Variants in TBXAS1 observed in about 807,000 individuals in gnomAD.
TBXAS1 encodes thromboxane-A synthase.
TBXAS1 carries 48 observed loss-of-function variants against 60.7 expected under a neutral mutation model. The observed-to-expected ratio is 0.79, with a 90% CI of 0.63 to 1.01. The LOEUF (loss-of-function observed/expected upper bound fraction) is 1.01, where lower values mean the gene tolerates loss of function less well. Among genes scored for constraint, TBXAS1 ranks in the 50% least tolerant of loss-of-function variants. The pLI is 0.00. For synonymous variants in TBXAS1, 287 were observed against 269.7 expected (o/e 1.06, Z -0.63); for missense variants, 685 against 686.3 (o/e 1.00, Z 0.02).
intron 5 of TBXAS1, among the ~76,000 whole-genome samples, chr7:139,943,805 A>G (rs537043652): frequency 1.3e-5 from 2 of 152,320 alleles, no homozygotes; most frequent in Non-Finnish European, 2.9e-5. Flanking sequence ...GATAAGTTTC[A>G]TTAGTGGAAA....
chr7:140,017,812 C>T lies in TBXAS1; in HGVS notation c.1506C>T (p.Phe502=), dbSNP rs1365777695. Residue 502 remains phenylalanine (F), a synonymous_variant, in exon 12 of 13, where the codon TTC becomes TTT. Coordinates refer to ENST00000448866, the MANE Select transcript of TBXAS1 (RefSeq NM_001061.7). ...TCCACGTGCTGCACAAGTTCCGGTTCCAAGCCTGCCCTGAGACCCAGGTGA... is the reference window on the plus strand; with the variant it reads ...TCCACGTGCTGCACAAGTTCCGGTTTCAAGCCTGCCCTGAGACCCAGGTGA... ...TLLHVLHKFR[F]QACPETQVPL... is the part of the protein sequence containing the mutation. 16 of 1,613,956 alleles carry T rather than the reference C, an allele frequency of 9.9e-6. No homozygotes were observed. The highest frequency in any genetic ancestry group is 1.4e-5 in the Non-Finnish European group (16 of 1,179,982).
At position 139,916,458 on chromosome 7, in the gene TBXAS1, G is replaced by A. The variant is rs1569513263; in HGVS notation, c.333+5137G>A. ...GAGGTCACCTCTCCAGGCACAGGTC[G>A]AGCCACACCACTGACACACAAGAGT... On this transcript the variant is annotated intron_variant, in intron 4 of 12. Transcript: ENST00000448866. The surrounding 1 kb of genome is among the most constrained non-coding windows in gnomAD (Gnocchi z 4.2). 6.6e-6 allele frequency among the ~76,000 whole-genome samples: 1 copy of A among 152,128 alleles called. No individual in the cohort carries two copies. Among genetic ancestry groups the A allele is most frequent in the African/African-American group, 2.4e-5 (1 of 41,412 alleles).
chr7:139,859,060 A>G (rs1800782133), intron 1 of TBXAS1, among the ~76,000 whole-genome samples: 1 of 151,996 alleles, frequency 6.6e-6, no homozygotes, highest in Non-Finnish European at 1.5e-5. Context: ...TTTTTAATAG[A>G]GGTGGAGTTT....
rs948862315 is a variant in TBXAS1, at chr7:139,916,167, T to C, written c.333+4846T>C. Among the ~76,000 whole-genome samples the C allele has an allele frequency of 6.6e-6, 1 of 152,068 alleles. No homozygotes were observed. Among genetic ancestry groups the C allele is most frequent in the Admixed American group, 6.5e-5 (1 of 15,282 alleles). On this transcript the variant is annotated intron_variant, in intron 4 of 12. Transcript: ENST00000448866. This position sits in a 1 kb window ranked among gnomAD's most constrained non-coding sequence, Gnocchi z 4.2. Reference sequence around the variant, plus strand: ...CTCTTTTTTAAATATCTGTGGAAAATGGAGCTGAGTCCACATGACTCAGCA... The same window carrying C: ...CTCTTTTTTAAATATCTGTGGAAAACGGAGCTGAGTCCACATGACTCAGCA...
chr7:139,971,266 T>G (rs558305542), intron 9 of TBXAS1, among the ~76,000 whole-genome samples: 1 of 152,222 alleles, frequency 6.6e-6, no homozygotes, highest in African/African-American at 2.4e-5. Flanking sequence ...TCCCAGCCCG[T>G]GAAGAGGGGC....
intron 1 of TBXAS1, among the ~76,000 whole-genome samples, chr7:139,862,770 C>CCT (rs1801061219): frequency 6.6e-6 from 1 of 152,056 alleles, no homozygotes; most frequent in African/African-American, 2.4e-5. Context: ...GTAAAGAATC[C>CCT]CTCTGTCTCT....
intron 9 of TBXAS1, among the ~76,000 whole-genome samples, chr7:139,989,391 G>C (rs1353034235): frequency 6.6e-6 from 1 of 152,210 alleles, no homozygotes; most frequent in Non-Finnish European, 1.5e-5. Context: ...GGCTCAGAGA[G>C]GGCTGAAGGG....
chr7:139,827,437 C>G (rs980656606), upstream of TBXAS1, among the ~76,000 whole-genome samples: 29 of 152,196 alleles, frequency 1.9e-4, no homozygotes, highest in Non-Finnish European at 4.1e-4. Flanking sequence ...CTTTTAAGTG[C>G]AGCATTTAGG....
intron 2 of TBXAS1, among the ~76,000 whole-genome samples, chr7:139,873,743 T>C (rs902033120): frequency 1.3e-5 from 2 of 152,150 alleles, no homozygotes; most frequent in African/African-American, 2.4e-5. Context: ...GACTTTATGG[T>C]CTACGGTTAT....
Position 140,020,073 on chromosome 7 carries a change from G to A in TBXAS1, c.1576G>A (p.Val526Ile). The change falls in exon 13 of 13, where the codon GTC becomes ATC. Residue 526 changes from valine (V) to isoleucine (I), a missense_variant. Coordinates refer to ENST00000448866, the MANE Select transcript of TBXAS1 (RefSeq NM_001061.7). Reference sequence around the variant, plus strand: ...ATCTGCCCTAGGTCCAAAAAATGGTGTCTATATCAAGATCGTATCCCGCTG... The same window carrying A: ...ATCTGCCCTAGGTCCAAAAAATGGTATCTATATCAAGATCGTATCCCGCTG... The part of the protein sequence containing the change: ...SKSALGPKNG[V>I]YIKIVSR 6.2e-7 allele frequency: 1 copy of A among 1,613,386 alleles called. No homozygotes were observed. Among genetic ancestry groups the A allele is most frequent in the Non-Finnish European group, 8.5e-7 (1 of 1,179,694 alleles).
chr7:139,843,463 C>G (rs1799601746), intron 1 of TBXAS1, among the ~76,000 whole-genome samples: 1 of 152,160 alleles, frequency 6.6e-6, no homozygotes. Context: ...CTGCCTCAGC[C>G]TCCTGAGTAG....
Position 140,020,068 on chromosome 7 carries a change from A to G in TBXAS1, c.1571A>G (p.Asn524Ser). 1 of 1,607,122 alleles carries G rather than the reference A, an allele frequency of 6.2e-7. No homozygotes were observed. Among genetic ancestry groups the G allele is most frequent in the Non-Finnish European group, 8.5e-7 (1 of 1,174,774 alleles). ...LESKSALGPK[N>S]GVYIKIVSR is the part of the protein sequence containing the mutation. The stretch of plus-strand genomic sequence containing the variant: ...TCCAAATCTGCCCTAGGTCCAAAAA[A>G]TGGTGTCTATATCAAGATCGTATCC... Residue 524 changes from asparagine (N) to serine (S), a missense_variant, in exon 13 of 13, where the codon AAT (asparagine) becomes AGT (serine). Asn to Ser is a conservative substitution (Grantham distance 46). Coordinates refer to ENST00000448866, the MANE Select transcript of TBXAS1 (RefSeq NM_001061.7).
chr7:140,018,636 C>G (rs186716415), intron 12 of TBXAS1, among the ~76,000 whole-genome samples: 26 of 145,300 alleles, frequency 1.8e-4, no homozygotes, highest in Middle Eastern at 6.9e-3. Context: ...TGCTTTCACA[C>G]TCACAGCAAC....
intron 5 of TBXAS1, among the ~76,000 whole-genome samples, chr7:139,952,008 A>G (rs1038873527): frequency 6.8e-6 from 1 of 146,834 alleles, no homozygotes; most frequent in Admixed American, 6.9e-5. Flanking sequence ...GAAAGAAAGA[A>G]AGAAAAAGAA....
At chr7:139,938,070 C>T (rs1807948150) in intron 5 of TBXAS1, among the ~76,000 whole-genome samples, 1 of 152,170 alleles carries the variant, frequency 6.6e-6, no homozygotes, top group Non-Finnish European at 1.5e-5. Flanking sequence ...ATAGAGTCCC[C>T]ATCTGATCAC....
chr7:139,836,689 T>C (rs1315052568), intron 1 of TBXAS1, among the ~76,000 whole-genome samples: 1 of 152,200 alleles, frequency 6.6e-6, no homozygotes, highest in African/African-American at 2.4e-5. Context: ...GACTTAAACC[T>C]AAGACCTGAA....
chr7:139,971,931 C>T (rs1426369489), intron 9 of TBXAS1, among the ~76,000 whole-genome samples: 1 of 152,160 alleles, frequency 6.6e-6, no homozygotes, highest in Non-Finnish European at 1.5e-5. Context: ...GCTCCTGCTC[C>T]ACCTCCTGAC....
chr7:139,875,829 T>C, intron 3 of TBXAS1, 192 bp downstream of exon 3: 1 of 718,312 alleles, frequency 1.4e-6, no homozygotes, highest in South Asian at 1.8e-5. Flanking sequence ...GACCCTGGGG[T>C]TGCCCACGGG....
At chr7:139,788,280 G>A (rs1797263872) in intron 4 of TBXAS1, among the ~76,000 whole-genome samples, 1 of 152,062 alleles carries the variant, frequency 6.6e-6, no homozygotes, top group Non-Finnish European at 1.5e-5. Context: ...AAGAATCCCT[G>A]CTCTTATCTT....
Sources: gnomAD v4.1 joint callset for allele counts (sites outside exome capture counted in the v4.1 genomes callset) on GRCh38, gnomAD v4.1.1 for gene constraint, Gnocchi (gnomAD v3.1) non-coding constraint, MANE v1.5 for transcripts, NCBI Gene and HGNC (gene_info 2026-07-23, HGNC 2026-07-21) for gene names.